KCNH1: variants seen among roughly 807,000 people sequenced by gnomAD.
KCNH1 encodes the protein voltage-gated delayed rectifier potassium channel KCNH1.
Under a neutral mutation model 69.2 loss-of-function variants are expected in KCNH1, and 27 were observed. That is an observed-to-expected ratio of 0.39 (90% CI 0.29 to 0.54). The LOEUF (loss-of-function observed/expected upper bound fraction) is 0.54. KCNH1 is among the 20% of genes least tolerant of loss of function. KCNH1 has a pLI of 0.68. For missense variants in KCNH1, 798 were observed against 1,261.6 expected, an observed-to-expected ratio of 0.63 and a Z score of 5.57; for synonymous variants, 456 against 487.7, an observed-to-expected ratio of 0.93 and a Z score of 0.86.
intron 7 of KCNH1, among the ~76,000 whole-genome samples, chr1:210,831,118 G>A (rs1018736911): frequency 1.3e-5 from 2 of 152,186 alleles, no homozygotes; most frequent in Admixed American, 1.3e-4. Context: ...AAAGACACCT[G>A]CAAACACAGA....
intron 6 of KCNH1, among the ~76,000 whole-genome samples, chr1:210,998,156 T>C (rs1011193533): frequency 2.0e-5 from 3 of 152,126 alleles, no homozygotes; most frequent in African/African-American, 4.8e-5. Flanking sequence ...AAATACTGCA[T>C]AACAATATTA....
In KCNH1 at chr1:210,829,706, G is replaced by C. The variant is rs114447502; in HGVS notation, c.1463-25540C>G. Among the ~76,000 whole-genome samples the C allele has an allele frequency of 3.0e-3, 457 of 152,256 alleles. 3 individuals are homozygous for C. The highest frequency in any genetic ancestry group is 0.01 in the African/African-American group (433 of 41,542). The stretch of plus-strand genomic sequence containing the variant: ...GTACTGCTAACTACATCTCTTTTAA[G>C]TCTTGGCTCAACTGAATTTTTTTAA... On this transcript the variant is annotated intron_variant, in intron 7 of 10. Coordinates refer to ENST00000271751, the MANE Select transcript of KCNH1 (RefSeq NM_172362.3).
chr1:210,982,247 T>TATA (rs1491417997), intron 6 of KCNH1, among the ~76,000 whole-genome samples: 25 of 108,276 alleles, frequency 2.3e-4, no homozygotes, highest in African/African-American at 8.6e-4. Flanking sequence ...TTATTATTAT[T>TATA]ATAAAGTTTT....
rs1375492731 is a variant in KCNH1, at chr1:210,794,638, C to A, written c.1915+2870G>T. ...TCTTCAGCTCCATCATGCCTCTATG[C>A]CTAAGTCTAGGTGTTCAAACCAACT... is the stretch of plus-strand genomic sequence containing the variant. On this transcript the variant is annotated intron_variant, in intron 9 of 10. Transcript: ENST00000271751. 2.0e-5 allele frequency among the ~76,000 whole-genome samples: 3 copies of A among 152,250 alleles called. No homozygotes were observed. In the East Asian group the frequency reaches 5.8e-4, roughly 29 times the overall value.
intron 7 of KCNH1, among the ~76,000 whole-genome samples, chr1:210,844,948 A>G (rs1685504454): frequency 6.6e-6 from 1 of 152,326 alleles, no homozygotes; most frequent in Non-Finnish European, 1.5e-5. Flanking sequence ...TACTATAAAC[A>G]CCTCTACGCA....
chr1:210,878,033 A>G (rs930875296), intron 7 of KCNH1, among the ~76,000 whole-genome samples: 2 of 152,184 alleles, frequency 1.3e-5, no homozygotes, highest in Non-Finnish European at 1.5e-5. Context: ...ATTTGAACTT[A>G]TAAGTCTCCA....
chr1:211,107,032 C>T (rs1212096356), intron 2 of KCNH1, among the ~76,000 whole-genome samples: 1 of 152,108 alleles, frequency 6.6e-6, no homozygotes, highest in Non-Finnish European at 1.5e-5. Context: ...TGGGTTTTCT[C>T]CCATCTTAGT....
chr1:211,062,395 T>C (rs1004793913), intron 5 of KCNH1, among the ~76,000 whole-genome samples: 6 of 152,138 alleles, frequency 3.9e-5, no homozygotes, highest in Non-Finnish European at 8.8e-5. Flanking sequence ...CTCCAATACA[T>C]TGGACTGGGC....
intron 7 of KCNH1, among the ~76,000 whole-genome samples, chr1:210,836,178 T>A (rs74156840): frequency 0.12 from 17,669 of 148,992 alleles, 1,870 homozygotes; most frequent in African/African-American, 0.28. Context: ...ATAAGATAAA[T>A]ACATTTTGAA....
At chr1:210,898,559 T>C (rs1686920966) in intron 7 of KCNH1, among the ~76,000 whole-genome samples, 1 of 152,234 alleles carries the variant, frequency 6.6e-6, no homozygotes, top group African/African-American at 2.4e-5. Flanking sequence ...TGGCTGGGAC[T>C]GCCTAGGAAA....
chr1:211,020,480 T>C (rs924650053), intron 5 of KCNH1, among the ~76,000 whole-genome samples: 1 of 133,990 alleles, frequency 7.5e-6, no homozygotes, highest in Non-Finnish European at 1.6e-5. Context: ...TAAGATTAAT[T>C]GAATCAGTAA....
intron 10 of KCNH1, among the ~76,000 whole-genome samples, chr1:210,690,450 CTTTCCTCGTGG>C (rs1381110017): frequency 6.6e-6 from 1 of 152,182 alleles, no homozygotes; most frequent in Non-Finnish European, 1.5e-5. Context: ...CTTGACGTAG[CTTTCCTCGTGG>C]TTTCCTCACC....
Position 210,680,538 on chromosome 1 carries a change from T to C in KCNH1, c.*2743A>G, listed in dbSNP as rs1343826805. On this transcript the variant is annotated 3_prime_UTR_variant, in exon 11 of 11. Transcript: ENST00000271751. Reference sequence around the variant, plus strand: ...TATACTGGAAGGCTCAGGTCACTGGTATCTGAGGCACATGGTCCTGGCTCG... The same window carrying C: ...TATACTGGAAGGCTCAGGTCACTGGCATCTGAGGCACATGGTCCTGGCTCG... 1.3e-5 allele frequency: 2 copies of C among 152,130 alleles called. No homozygotes were observed. The highest frequency in any genetic ancestry group is 2.9e-5 in the Non-Finnish European group (2 of 68,038). 9.4% of individuals were successfully genotyped at this position (152,130 alleles called of 1,614,324 possible). A position where few individuals can be genotyped will look rare whatever the true frequency, so the allele number is the denominator to read the frequency against.
chr1:210,958,775 C>T (rs575971405), intron 6 of KCNH1, among the ~76,000 whole-genome samples: 1 of 152,162 alleles, frequency 6.6e-6, no homozygotes, highest in Non-Finnish European at 1.5e-5. Context: ...CATTTAGGGT[C>T]TTCTCTACAC....
chr1:210,823,964 C>CTTTTTGTTGTTG (rs145869968), intron 7 of KCNH1, among the ~76,000 whole-genome samples: 225 of 56,324 alleles, frequency 4.0e-3, no homozygotes, highest in Non-Finnish European at 6.0e-3. Context: ...GGCTTTTTTA[C>CTTTTTGTTGTTG]TTGTTGTTGT....
intron 2 of KCNH1, among the ~76,000 whole-genome samples, chr1:211,105,016 T>C (rs17017208): frequency 0.026 from 3,984 of 152,044 alleles, 170 homozygotes; most frequent in East Asian, 0.11. Flanking sequence ...AAGAAGAGAG[T>C]CCTAGCTGTT....
At chr1:211,047,296 T>C (rs1241568775) in intron 5 of KCNH1, among the ~76,000 whole-genome samples, 3 of 152,192 alleles carry the variant, frequency 2.0e-5, no homozygotes, top group Admixed American at 6.5e-5. Context: ...GTCTCAGACA[T>C]AGATTTGTAA....
At chr1:210,864,691 T>C (rs920419421) in intron 7 of KCNH1, among the ~76,000 whole-genome samples, 1 of 152,184 alleles carries the variant, frequency 6.6e-6, no homozygotes, top group Non-Finnish European at 1.5e-5. Flanking sequence ...ACCTCACCCA[T>C]AGCAGTGTAA....
intron 5 of KCNH1, among the ~76,000 whole-genome samples, chr1:211,048,335 T>C (rs1690131090): frequency 1.3e-5 from 2 of 152,164 alleles, no homozygotes; most frequent in Admixed American, 1.3e-4. Context: ...CTCCTGAGTA[T>C]CTACCCAGAG....
Sources: gnomAD v4.1 joint callset for allele counts (sites outside exome capture counted in the v4.1 genomes callset) on GRCh38, gnomAD v4.1.1 for gene constraint, MANE v1.5 for transcripts, NCBI Gene and HGNC (gene_info 2026-07-23, HGNC 2026-07-21) for gene names.